GPR83: variants seen among roughly 807,000 people sequenced by gnomAD.
GPR83 encodes G protein-coupled receptor 83, also known as G-protein coupled receptor 72.
Under a neutral mutation model 28.0 loss-of-function variants are expected in GPR83, and 23 were observed. The observed-to-expected ratio is 0.82, with a 90% CI of 0.59 to 1.16. GPR83 has a LOEUF of 1.16. Among genes scored for constraint, GPR83 ranks in the 50% most tolerant of loss-of-function variants. The pLI is 0.00. For synonymous variants in GPR83, 234 were observed against 215.4 expected (o/e 1.09, Z -0.76); for missense variants, 610 against 536.6 (o/e 1.14, Z -1.35).
intron 3 of GPR83, among the ~76,000 whole-genome samples, chr11:94,387,464 A>T (rs975909808): frequency 6.6e-6 from 1 of 152,216 alleles, no homozygotes; most frequent in Non-Finnish European, 1.5e-5. Context: ...GAGAAGAATC[A>T]AATAGATGCA....
intron 3 of GPR83, among the ~76,000 whole-genome samples, chr11:94,391,046 A>T (rs988881152): frequency 6.6e-6 from 1 of 152,228 alleles, no homozygotes; most frequent in African/African-American, 2.4e-5. Flanking sequence ...ACAAAGCTAG[A>T]GGCATCACGC....
In GPR83 at chr11:94,378,569, T is replaced by A. The variant is rs1163626745; in HGVS notation, c.*1580A>T. On this transcript the variant is annotated 3_prime_UTR_variant, in exon 4 of 4. Transcript: ENST00000243673. ...TCTGGCAAGTTAGACCCTTAAGAAT[T>A]GAGATCTCTTAAGGATGCATAAGTT... 1 of 152,586 alleles carries A rather than the reference T, an allele frequency of 6.6e-6. No homozygotes were observed. The highest frequency in any genetic ancestry group is 2.4e-5 in the African/African-American group (1 of 41,542). 9.5% of individuals were successfully genotyped at this position (152,586 alleles called of 1,614,324 possible). A position where few individuals can be genotyped will look rare whatever the true frequency, so the allele number is the denominator to read the frequency against.
At chr11:94,395,374 C>T (rs1944856332) in intron 2 of GPR83, among the ~76,000 whole-genome samples, 1 of 152,224 alleles carries the variant, frequency 6.6e-6, no homozygotes, top group South Asian at 2.1e-4. Flanking sequence ...TAAATCTCAT[C>T]TTTCTGTGTC....
Position 94,387,841 on chromosome 11 carries a change from G to A in GPR83, c.647+5644C>T, listed in dbSNP as rs377080731. Among the ~76,000 whole-genome samples the A allele has an allele frequency of 1.4e-4, 22 of 152,150 alleles. 1 individual carries two copies. In the East Asian group the frequency reaches 1.9e-3, roughly 13 times the overall value. ...TAACTCATTTTATGAGGCCAGCATC[G>A]TCCTGATACCAAAGCCTGGCAGAGA... On this transcript the variant is annotated intron_variant, in intron 3 of 3. Transcript: ENST00000243673.
At position 94,380,360 on chromosome 11, in the gene GPR83, A is replaced by G. The variant is rs1202817143; in HGVS notation, c.1061T>C (p.Ile354Thr). 2 of 1,614,018 alleles carry G rather than the reference A, an allele frequency of 1.2e-6. No homozygotes were observed. The highest frequency in any genetic ancestry group is 1.7e-6 in the Non-Finnish European group (2 of 1,179,918). The change falls in exon 4 of 4, where the codon ATT becomes ACT. Residue 354 changes from isoleucine to threonine, a missense_variant. Physicochemically the swap from Ile to Thr is moderately conservative, Grantham distance 89. Coordinates refer to ENST00000243673, the MANE Select transcript of GPR83 (RefSeq NM_016540.4). Reference protein sequence around the residue: ...IYCWLNENFRIELKALLSMCQ... With the variant: ...IYCWLNENFRTELKALLSMCQ... Reference sequence around the variant, plus strand: ...CATGCTCAGTAATGCCTTTAGCTCAATCCTGAAGTTCTCGTTCAGCCAGCA... The same window carrying G: ...CATGCTCAGTAATGCCTTTAGCTCAGTCCTGAAGTTCTCGTTCAGCCAGCA...
chr11:94,398,825 T>C (rs1256098652), intron 1 of GPR83, among the ~76,000 whole-genome samples: 1 of 152,184 alleles, frequency 6.6e-6, no homozygotes, highest in African/African-American at 2.4e-5. Context: ...CCCCACAACC[T>C]TCTCCCTTTC....
chr11:94,384,032 A>G (rs1354273898), intron 3 of GPR83, among the ~76,000 whole-genome samples: 1 of 152,242 alleles, frequency 6.6e-6, no homozygotes, highest in Non-Finnish European at 1.5e-5. Context: ...CACAACAAAA[A>G]AAAAGAAAAT....
At chr11:94,381,554 A>AGTGTGT (rs1174732142) in intron 3 of GPR83, among the ~76,000 whole-genome samples, 9 of 30,154 alleles carry the variant, frequency 3.0e-4, no homozygotes, top group Non-Finnish European at 4.3e-4. Context: ...CACAGGAGTG[A>AGTGTGT]GTGAGTGTGT....
At chr11:94,394,100 G>T (rs1944844067) in intron 2 of GPR83, among the ~76,000 whole-genome samples, 2 of 152,192 alleles carry the variant, frequency 1.3e-5, no homozygotes, top group South Asian at 4.1e-4. Context: ...GAGGGGTCCA[G>T]GAGGAAGGCT....
At chr11:94,388,037 C>A (rs1032216044) in intron 3 of GPR83, among the ~76,000 whole-genome samples, 3 of 152,128 alleles carry the variant, frequency 2.0e-5, no homozygotes, top group Admixed American at 6.5e-5. Flanking sequence ...AATCAATAAA[C>A]GTAATCCAGC....
In GPR83 at chr11:94,380,754, G is replaced by A. The variant is rs765119582; in HGVS notation, c.667C>T (p.Leu223Phe). The A allele has an allele frequency of 6.2e-7, 1 of 1,611,126 alleles. No homozygotes were observed. Among genetic ancestry groups the A allele is most frequent in the South Asian group, 1.1e-5 (1 of 90,932 alleles). The change falls in exon 4 of 4, where the codon CTC becomes TTC. Residue 223 changes from leucine (L) to phenylalanine (F), a missense_variant. Physicochemically the swap from Leu to Phe is conservative, Grantham distance 22. Transcript: ENST00000243673. ...GGCTCAGGGAAGTCTGGCAGGCAGA[G>A]GGAGCGCACAATGTCCTCACTGGGG... ...FKYSEDIVRS[L>F]CLPDFPEPAD...
In GPR83 at chr11:94,379,875, C is replaced by A; in HGVS notation, c.*274G>T. On this transcript the variant is annotated 3_prime_UTR_variant, in exon 4 of 4. Coordinates refer to ENST00000243673, the MANE Select transcript of GPR83 (RefSeq NM_016540.4). ...ATGATTCAGCCCCCATCTGGGCCAA[C>A]GTTGTCCTCGCTCCTCTTCCTCAGA... 3.5e-6 allele frequency: 1 copy of A among 287,358 alleles called. No individual in the cohort carries two copies. The highest frequency in any genetic ancestry group is 6.5e-6 in the Non-Finnish European group (1 of 153,992). 17.8% of individuals were successfully genotyped at this position (287,358 alleles called of 1,614,324 possible). A position where few individuals can be genotyped will look rare whatever the true frequency, so the allele number is the denominator to read the frequency against.
intron 3 of GPR83, among the ~76,000 whole-genome samples, chr11:94,387,737 T>A (rs937493771): frequency 6.6e-6 from 1 of 152,186 alleles, no homozygotes; most frequent in Non-Finnish European, 1.5e-5. Context: ...ACAGCCGATT[T>A]CTACCAGAGG....
At chr11:94,388,149 A>G (rs1944778856) in intron 3 of GPR83, among the ~76,000 whole-genome samples, 1 of 152,208 alleles carries the variant, frequency 6.6e-6, no homozygotes, top group Non-Finnish European at 1.5e-5. Flanking sequence ...AACTCAGTAA[A>G]TTAGGTATTG....
intron 3 of GPR83, among the ~76,000 whole-genome samples, chr11:94,389,650 C>T (rs1187850568): frequency 2.0e-5 from 3 of 152,140 alleles, no homozygotes; most frequent in Non-Finnish European, 4.4e-5. Flanking sequence ...GAATGGCAAT[C>T]ATTAAAAAGT....
In GPR83 at chr11:94,392,580, T is replaced by C. The variant is rs139084504; in HGVS notation, c.647+905A>G. Among the ~76,000 whole-genome samples, 36 of 152,188 alleles carry C rather than the reference T, an allele frequency of 2.4e-4. No individual in the cohort carries two copies. The East Asian group carries it at 6.8e-3, about 29-fold the overall frequency. ...TGGCTCATGCCTGTAATCTCAGCAC[T>C]TTGGGAGCCCAAGGTAGGCGGATAA... On this transcript the variant is annotated intron_variant, in intron 3 of 3. Coordinates refer to ENST00000243673, the MANE Select transcript of GPR83 (RefSeq NM_016540.4).
intron 2 of GPR83, 126 bp downstream of exon 2, chr11:94,396,273 G>A: frequency 1.2e-6 from 1 of 858,608 alleles, no homozygotes; most frequent in Non-Finnish European, 1.9e-6. Context: ...TGTTCATGTT[G>A]ATCAATAAGA....
At position 94,384,031 on chromosome 11, in the gene GPR83, A is replaced by C. The variant is rs1944720772; in HGVS notation, c.648-3258T>G. 1.3e-5 allele frequency among the ~76,000 whole-genome samples: 2 copies of C among 152,222 alleles called. 1 individual carries two copies. The highest frequency in any genetic ancestry group is 4.1e-4 in the South Asian group (2 of 4,828). On this transcript the variant is annotated intron_variant, in intron 3 of 3. Coordinates refer to ENST00000243673, the MANE Select transcript of GPR83 (RefSeq NM_016540.4). ...CAAAACCTGGCAGAGACACAACAAA[A>C]AAAAAGAAAATTACAGGCCAACATC...
chr11:94,399,446 G>A (rs1944892628), intron 1 of GPR83, among the ~76,000 whole-genome samples: 1 of 152,190 alleles, frequency 6.6e-6, no homozygotes, highest in African/African-American at 2.4e-5. Flanking sequence ...GTTAGGGGAT[G>A]GAATTCTCAT....
Sources: allele counts gnomAD v4.1 joint callset (sites outside exome capture counted in the v4.1 genomes callset), GRCh38; gene constraint gnomAD v4.1.1; transcripts MANE v1.5; gene names NCBI Gene and HGNC (gene_info 2026-07-23, HGNC 2026-07-21).